The following DNAH7 variants were observed in gnomAD, a reference collection of about 807,000 sequenced individuals.
The protein encoded by DNAH7 is dynein axonemal heavy chain 7, also known as axonemal beta dynein heavy chain 7.
A neutral mutation model predicts 444.6 loss-of-function variants in DNAH7; 397 were observed. The observed-to-expected ratio is 0.89, with a 90% CI of 0.82 to 0.97. The LOEUF (loss-of-function observed/expected upper bound fraction) is 0.97, where lower values mean the gene tolerates loss of function less well. DNAH7 is among the 50% of genes least tolerant of loss of function. The pLI is 0.00. For synonymous variants in DNAH7, 1,636 were observed against 1,624.4 expected (o/e 1.01, Z -0.17); for missense variants, 4,902 against 4,800.8 (o/e 1.02, Z -0.62).
chr2:195,918,756 A>C (rs12622923), intron 24 of DNAH7, among the ~76,000 whole-genome samples: 12,804 of 152,084 alleles, frequency 0.084, 932 homozygotes, highest in African/African-American at 0.2. Context: ...GAGGAGGAGG[A>C]AATTATATGT....
intron 46 of DNAH7, 30 bp downstream of exon 46, chr2:195,853,313 G>A (rs1559146779): frequency 9.4e-6 from 15 of 1,593,120 alleles, no homozygotes; most frequent in Non-Finnish European, 1.2e-5. Context: ...TGGGCAGAGG[G>A]TCAGGAAGAG....
At chr2:195,765,299 T>C (rs1694519638) in intron 61 of DNAH7, among the ~76,000 whole-genome samples, 1 of 152,134 alleles carries the variant, frequency 6.6e-6, no homozygotes. Flanking sequence ...GAAGAAGCTC[T>C]CCAGGACCTT....
At chr2:195,797,628 C>T (rs568943577) in intron 55 of DNAH7, among the ~76,000 whole-genome samples, 63 of 152,288 alleles carry the variant, frequency 4.1e-4, no homozygotes, top group Admixed American at 7.2e-4. Context: ...TCCACCATTC[C>T]CACTCTACTC....
intron 48 of DNAH7, among the ~76,000 whole-genome samples, chr2:195,825,619 T>A (rs551906124): frequency 5.1e-4 from 77 of 152,244 alleles, no homozygotes; most frequent in Non-Finnish European, 9.6e-4. Context: ...CTGATAGCAT[T>A]CTAGAACAGG....
intron 19 of DNAH7, among the ~76,000 whole-genome samples, chr2:195,954,195 A>T (rs1249859333): frequency 2.0e-5 from 3 of 152,020 alleles, no homozygotes; most frequent in Admixed American, 2.0e-4. Flanking sequence ...ACCCCACGAC[A>T]GGCCCTGGTA....
At chr2:195,857,850 A>G in intron 43 of DNAH7, 127 bp from the exon 44 acceptor site, 1 of 813,142 alleles carries the variant, frequency 1.2e-6, no homozygotes, top group Non-Finnish European at 1.8e-6. Context: ...GGTGACAGTA[A>G]TAGAACTGCA....
chr2:195,998,777 C>T (rs1463972228), intron 12 of DNAH7: 1 of 224,750 alleles, frequency 4.4e-6, no homozygotes, highest in African/African-American at 2.3e-5. Context: ...GACTTCTATT[C>T]ATGGTAGTAT....
At chr2:195,832,967 T>C (rs1418460733) in intron 48 of DNAH7, among the ~76,000 whole-genome samples, 4 of 152,148 alleles carry the variant, frequency 2.6e-5, no homozygotes, top group Non-Finnish European at 5.9e-5. Flanking sequence ...GGTTAAAATA[T>C]AGATGGGGAA....
At chr2:195,830,563 G>A (rs1698016151) in intron 48 of DNAH7, among the ~76,000 whole-genome samples, 2 of 152,120 alleles carry the variant, frequency 1.3e-5, no homozygotes, top group South Asian at 4.1e-4. Flanking sequence ...GAAACAAACG[G>A]TTATGCACAT....
At chr2:195,812,092 C>T (rs1411038961) in intron 51 of DNAH7, among the ~76,000 whole-genome samples, 1 of 152,198 alleles carries the variant, frequency 6.6e-6, no homozygotes, top group Non-Finnish European at 1.5e-5. Flanking sequence ...AGACCAGCAA[C>T]TCCTCTGGCA....
rs1698577110 is a variant in DNAH7 at position 196,068,786 on chromosome 2, C to T, written c.-75G>A. ...CGCGGAACCCCTAGGACGATAGAGGCAGGGCCCCGGGACTTGCAGCGGTCT... is the reference window on the plus strand; with the variant it reads ...CGCGGAACCCCTAGGACGATAGAGGTAGGGCCCCGGGACTTGCAGCGGTCT... On this transcript the variant is annotated 5_prime_UTR_variant, in exon 1 of 65. Transcript: ENST00000312428. The T allele has an allele frequency of 7.8e-6, 12 of 1,532,662 alleles. No individual in the cohort carries two copies. The highest frequency in any genetic ancestry group is 6.1e-5 in the South Asian group (5 of 82,328). 94.9% of individuals were successfully genotyped at this position (1,532,662 alleles called of 1,614,324 possible).
At chr2:195,875,654 T>C in intron 38 of DNAH7, 21 bp downstream of exon 38, 2 of 1,539,250 alleles carry the variant, frequency 1.3e-6, no homozygotes, top group East Asian at 4.5e-5. Context: ...ATCTTAGTAA[T>C]CACAAACTCA....
chr2:195,987,603 A>G (rs1693008220), intron 13 of DNAH7, among the ~76,000 whole-genome samples: 1 of 152,150 alleles, frequency 6.6e-6, no homozygotes, highest in Non-Finnish European at 1.5e-5. Flanking sequence ...TCTACTAAAC[A>G]GAACCATATT....
chr2:195,897,096 T>C (rs1211704220), intron 29 of DNAH7, among the ~76,000 whole-genome samples: 1 of 152,204 alleles, frequency 6.6e-6, no homozygotes, highest in Admixed American at 6.5e-5. Flanking sequence ...TGAGTTCTTC[T>C]ACCTGGTATG....
chr2:195,913,846 G>A (rs187664670), intron 24 of DNAH7, among the ~76,000 whole-genome samples: 73 of 152,300 alleles, frequency 4.8e-4, no homozygotes, highest in African/African-American at 1.7e-3. Context: ...CTCCCAAGTA[G>A]CTGGGATTAC....
chr2:195,882,493 C>A (rs555213718), intron 35 of DNAH7, among the ~76,000 whole-genome samples: 1 of 152,064 alleles, frequency 6.6e-6, no homozygotes, highest in African/African-American at 2.4e-5. Flanking sequence ...TAAAATTTAC[C>A]CTTAACAATT....
chr2:195,841,033 A>G (rs1445802698), intron 47 of DNAH7, among the ~76,000 whole-genome samples: 1 of 151,880 alleles, frequency 6.6e-6, no homozygotes, highest in Admixed American at 6.6e-5. Context: ...GAGACTTAAT[A>G]TGCTTCAATA....
chr2:195,909,632 T>C (rs1687237421), intron 25 of DNAH7, among the ~76,000 whole-genome samples: 1 of 152,200 alleles, frequency 6.6e-6, no homozygotes, highest in Non-Finnish European at 1.5e-5. Flanking sequence ...CTGAAATGAC[T>C]GATTAGAATA....
intron 64 of DNAH7, among the ~76,000 whole-genome samples, chr2:195,739,117 T>A (rs936114490): frequency 6.6e-6 from 1 of 152,242 alleles, no homozygotes; most frequent in Non-Finnish European, 1.5e-5. Flanking sequence ...CATTATCCAT[T>A]TATAAATTAA....
Sources: allele counts gnomAD v4.1 joint callset (sites outside exome capture counted in the v4.1 genomes callset), GRCh38; gene constraint gnomAD v4.1.1; transcripts MANE v1.5; gene names NCBI Gene and HGNC (gene_info 2026-07-23, HGNC 2026-07-21).